Variants in EIF2AK4 observed in about 807,000 individuals in gnomAD.
The protein encoded by EIF2AK4 is eIF-2-alpha kinase GCN2.
A neutral mutation model predicts 211.1 loss-of-function variants in EIF2AK4; 139 were observed. That is an observed-to-expected ratio of 0.66 (90% confidence interval 0.57 to 0.76). The LOEUF (loss-of-function observed/expected upper bound fraction) is 0.76, where lower values mean the gene tolerates loss of function less well. Ranked by LOEUF, EIF2AK4 falls within the 30% of genes least tolerant of loss-of-function variation. The pLI is 0.00. For synonymous variants in EIF2AK4, 710 were observed against 751.3 expected (o/e 0.94, Z 0.90); for missense variants, 1,664 against 2,043.8 (o/e 0.81, Z 3.58).
chr15:40,024,169 G>A (rs1378533237), intron 32 of EIF2AK4, among the ~76,000 whole-genome samples: 1 of 151,344 alleles, frequency 6.6e-6, no homozygotes, highest in African/African-American at 2.4e-5. Context: ...AAATCTTTTG[G>A]TTAGTGTTTA....
rs1360139243 is a variant in EIF2AK4, at chr15:40,032,189, C to T, written c.4680C>T (p.Thr1560=). The T allele has an allele frequency of 6.2e-7, 1 of 1,613,946 alleles. No individual in the cohort carries two copies. The highest frequency in any genetic ancestry group is 1.3e-5 in the African/African-American group (1 of 74,924). ...YETQVQTRLQ[T]SLANLHQKSS... is the part of the protein sequence containing the mutation. ...TTTAGGTACAAACTCGACTTCAGAC[C>T]TCCCTTGCCAACTTACATCAGAAAA... The change falls in exon 36 of 39, where the codon ACC becomes ACT. Residue 1560 remains threonine, a synonymous_variant. Transcript: ENST00000263791.
intron 18 of EIF2AK4, 58 bp from the exon 19 acceptor site, chr15:39,996,906 C>T: frequency 1.6e-6 from 2 of 1,221,582 alleles, no homozygotes; most frequent in East Asian, 2.3e-5. Context: ...CTATAATTCC[C>T]TGGTAAATTA....
At chr15:40,031,828 C>A (rs1465423077) in intron 35 of EIF2AK4, among the ~76,000 whole-genome samples, 1 of 151,946 alleles carries the variant, frequency 6.6e-6, no homozygotes, top group Non-Finnish European at 1.5e-5. Context: ...CATGTTCAAG[C>A]GATTCTCCTG....
intron 5 of EIF2AK4, among the ~76,000 whole-genome samples, chr15:39,955,320 A>C (rs2034374219): frequency 6.6e-6 from 1 of 152,246 alleles, no homozygotes; most frequent in African/African-American, 2.4e-5. Context: ...TTAATTGACC[A>C]ATAATAGTTG....
intron 6 of EIF2AK4, among the ~76,000 whole-genome samples, chr15:39,961,029 C>T (rs2034464273): frequency 6.6e-6 from 1 of 152,150 alleles, no homozygotes; most frequent in South Asian, 2.1e-4. Context: ...CTCTCCCTTG[C>T]CTCTTCCCTG....
intron 2 of EIF2AK4, 75 bp downstream of exon 2, chr15:39,939,692 G>A (rs1001062978): frequency 5.1e-5 from 64 of 1,262,334 alleles, no homozygotes; most frequent in Non-Finnish European, 5.9e-5. Flanking sequence ...ATTGAAATTC[G>A]TAGTATTTTC....
rs1386682957 is a variant in EIF2AK4 at position 40,001,169 on chromosome 15, T to C, written c.3104T>C (p.Phe1035Ser). ...TACCGCACCATGATGGCCCAGATCT[T>C]CTCGCAGCGCATCTCCCCTGCCATC... is the stretch of plus-strand genomic sequence containing the variant. ...KAYRTMMAQI[F>S]SQRISPAIDY... Residue 1035 changes from phenylalanine (F) to serine (S), a missense_variant, in exon 21 of 39, where the codon TTC (phenylalanine) becomes TCC (serine). Physicochemically the swap from Phe to Ser is radical, Grantham distance 155. This residue lies in a region of EIF2AK4 where 622 missense variants were observed against 796.8 expected (regional missense o/e 0.78). Coordinates refer to ENST00000263791, the MANE Select transcript of EIF2AK4 (RefSeq NM_001013703.4). 4 of 1,614,064 alleles carry C rather than the reference T, an allele frequency of 2.5e-6. No homozygotes were observed. The highest frequency in any genetic ancestry group is 3.4e-6 in the Non-Finnish European group (4 of 1,179,994).
rs376304186 is a variant in EIF2AK4 at position 39,976,488 on chromosome 15, C to T, written c.1893C>T (p.Arg631=). The T allele has an allele frequency of 2.5e-6, 4 of 1,611,948 alleles. No individual in the cohort carries two copies. Among genetic ancestry groups the T allele is most frequent in the African/African-American group, 2.7e-5 (2 of 74,644 alleles). ...IPINPASRQF[R]RIKGEVTLLS... Reference sequence around the variant, plus strand: ...TCAACCCGGCCAGCCGGCAGTTCCGCAGGATCAAGGGCGAAGTGACACTGC... The same window carrying T: ...TCAACCCGGCCAGCCGGCAGTTCCGTAGGATCAAGGGCGAAGTGACACTGC... The change falls in exon 12 of 39, where the codon CGC becomes CGT. Residue 631 remains arginine (R), a synonymous_variant. Transcript: ENST00000263791.
chr15:39,949,406 G>C, intron 4 of EIF2AK4, 138 bp downstream of exon 4: 1 of 1,288,890 alleles, frequency 7.8e-7, no homozygotes, highest in Non-Finnish European at 1.0e-6. Flanking sequence ...AGACACATGT[G>C]AGAGTATGAA....
intron 6 of EIF2AK4, 127 bp from the exon 7 acceptor site, chr15:39,961,657 A>G (rs2034473773): frequency 1.5e-6 from 1 of 683,154 alleles, no homozygotes; most frequent in African/African-American, 1.8e-5. Flanking sequence ...GGGCTAATAA[A>G]CAGTAATAAA....
chr15:39,955,547 T>C, intron 5 of EIF2AK4, 73 bp from the exon 6 acceptor site: 1 of 1,468,100 alleles, frequency 6.8e-7, no homozygotes, highest in Middle Eastern at 2.0e-4. Flanking sequence ...TATACTGAAT[T>C]AATAATTATG....
At chr15:40,032,319 G>T in intron 36 of EIF2AK4, 82 bp downstream of exon 36, 1 of 1,267,980 alleles carries the variant, frequency 7.9e-7, no homozygotes, top group Admixed American at 1.8e-5. Flanking sequence ...GAGCTTTTTT[G>T]CTCAGTGTCA....
intron 7 of EIF2AK4, 71 bp from the exon 8 acceptor site, chr15:39,965,615 C>A: frequency 3.2e-6 from 5 of 1,549,614 alleles, no homozygotes; most frequent in South Asian, 2.4e-5. Flanking sequence ...ATGTGTATTA[C>A]CCCCTCCCTT....
chr15:39,985,718 G>T, intron 13 of EIF2AK4, 87 bp from the exon 14 acceptor site: 1 of 1,256,574 alleles, frequency 8.0e-7, no homozygotes. Context: ...CCCTGTGTTG[G>T]GGGTGGGCAC....
intron 8 of EIF2AK4, 28 bp downstream of exon 8, chr15:39,965,871 A>T: frequency 6.2e-7 from 1 of 1,611,824 alleles, no homozygotes; most frequent in East Asian, 2.2e-5. Context: ...CTGACTGAGC[A>T]AAAGGCCTAA....
At chr15:40,022,702 A>G in intron 32 of EIF2AK4, 97 bp downstream of exon 32, 1 of 1,039,484 alleles carries the variant, frequency 9.6e-7, no homozygotes, top group South Asian at 1.4e-5. Context: ...GGTGACTGGA[A>G]ATCCGTTCCC....
At chr15:40,031,733 T>C (rs1446564792) in intron 35 of EIF2AK4, among the ~76,000 whole-genome samples, 3 of 150,486 alleles carry the variant, frequency 2.0e-5, no homozygotes, top group Non-Finnish European at 4.4e-5. Flanking sequence ...CAAATCTTCT[T>C]TTTTTTTTTT....
At chr15:40,025,792 A>G (rs1450620169) in intron 32 of EIF2AK4, among the ~76,000 whole-genome samples, 185 bp from the exon 33 acceptor site, 1 of 152,176 alleles carries the variant, frequency 6.6e-6, no homozygotes, top group Non-Finnish European at 1.5e-5. Context: ...GCTACCTACT[A>G]CATGCCAGTT....
chr15:40,029,512 C>T (rs747509527), intron 34 of EIF2AK4, 48 bp downstream of exon 34: 1 of 1,560,452 alleles, frequency 6.4e-7, no homozygotes. Context: ...TATATGTTTG[C>T]TCTAAGCACT....
Sources: allele counts gnomAD v4.1 joint callset (sites outside exome capture counted in the v4.1 genomes callset), GRCh38; gene constraint gnomAD v4.1.1; regional missense constraint gnomAD v4.1.1; transcripts MANE v1.5; gene names NCBI Gene and HGNC (gene_info 2026-07-23, HGNC 2026-07-21).